Variants in CLEC12B observed in about 807,000 individuals in gnomAD.
CLEC12B encodes macrophage antigen h.
CLEC12B carries 25 observed loss-of-function variants against 36.1 expected under a neutral mutation model. The ratio of observed to expected loss-of-function variants is 0.69; its 90% CI spans 0.50 to 0.97. The LOEUF (loss-of-function observed/expected upper bound fraction) is 0.97, where lower values mean the gene tolerates loss of function less well. Among genes scored for constraint, CLEC12B ranks in the 50% least tolerant of loss-of-function variants. CLEC12B has a pLI of 0.00. For synonymous variants in CLEC12B, 110 were observed against 108.5 expected, an observed-to-expected ratio of 1.01 and a Z score of -0.09; for missense variants, 325 against 318.4, an observed-to-expected ratio of 1.02 and a Z score of -0.16.
rs542680214 is a variant in CLEC12B at position 10,018,219 on chromosome 12, A to G, written c.681-112A>G. The G allele has an allele frequency of 8.6e-4, 617 of 719,958 alleles. 1 individual carries two copies. Among genetic ancestry groups the G allele is most frequent in the South Asian group, 2.5e-3 (85 of 33,790 alleles). 44.6% of individuals were successfully genotyped at this position (719,958 alleles called of 1,614,324 possible). A position where few individuals can be genotyped will look rare whatever the true frequency, so the allele number is the denominator to read the frequency against. On this transcript the variant is annotated intron_variant, in intron 5 of 5. Coordinates refer to ENST00000338896, the MANE Select transcript of CLEC12B (RefSeq NM_001129998.3). Reference sequence around the variant, plus strand: ...AGATTTTGAAGCTTTGTGGAGGCAGAAGTCTCTCCATATTCAGATACATGA... The same window carrying G: ...AGATTTTGAAGCTTTGTGGAGGCAGGAGTCTCTCCATATTCAGATACATGA...
chr12:10,010,176 T>A (rs1291065639), upstream of CLEC12B, among the ~76,000 whole-genome samples: 3 of 117,374 alleles, frequency 2.6e-5, no homozygotes, highest in East Asian at 7.7e-4. Flanking sequence ...TGTCTCTCTC[T>A]CTCTGTCTCT....
chr12:10,012,119 GTATT>G (rs1450378228), intron 1 of CLEC12B, among the ~76,000 whole-genome samples: 1 of 152,114 alleles, frequency 6.6e-6, no homozygotes, highest in Non-Finnish European at 1.5e-5. Flanking sequence ...CTTTCATTCA[GTATT>G]CATTCATTAT....
intron 5 of CLEC12B, chr12:10,016,652 TAAGAG>T: frequency 4.3e-6 from 1 of 231,446 alleles, no homozygotes; most frequent in Non-Finnish European, 7.1e-6. Context: ...TATTGATACA[TAAGAG>T]ATGTATATGT....
intron 3 of CLEC12B, among the ~76,000 whole-genome samples, 165 bp from the exon 4 acceptor site, chr12:10,015,087 A>T (rs1865446348): frequency 6.6e-6 from 1 of 152,032 alleles, no homozygotes; most frequent in South Asian, 2.1e-4. Context: ...TGTTGCCCCA[A>T]CCCATAACCA....
upstream of CLEC12B, among the ~76,000 whole-genome samples, chr12:10,008,549 A>T (rs1220085151): frequency 6.6e-6 from 1 of 152,238 alleles, no homozygotes; most frequent in East Asian, 1.9e-4. Flanking sequence ...ACTGCAACAA[A>T]GTGAGTTTTT....
intron 1 of CLEC12B, 33 bp from the exon 2 acceptor site, chr12:10,012,752 C>T: frequency 6.5e-7 from 1 of 1,538,256 alleles, no homozygotes; most frequent in Non-Finnish European, 9.0e-7. Context: ...CAAAGCAGTT[C>T]TGTGTGCTGA....
At chr12:10,017,701 T>C (rs1420996972) in intron 5 of CLEC12B, 1 of 932,156 alleles carries the variant, frequency 1.1e-6, no homozygotes, top group Non-Finnish European at 1.3e-6. Flanking sequence ...ATGCAGGTCA[T>C]TTAGAAAAAA....
Position 10,015,317 on chromosome 12 carries a change from A to G in CLEC12B, c.475A>G (p.Thr159Ala), listed in dbSNP as rs750265151. 4.2e-5 allele frequency: 68 copies of G among 1,613,442 alleles called. No individual in the cohort carries two copies. The highest frequency in any genetic ancestry group is 5.8e-5 in the Non-Finnish European group (68 of 1,179,580). The change falls in exon 4 of 6, where the codon ACA becomes GCA. Residue 159 changes from threonine (T) to alanine (A), a missense_variant. Transcript: ENST00000338896. Reference protein sequence around the residue: ...WYQNSCYYFTTNEEKTWANSR... With the variant: ...WYQNSCYYFTANEEKTWANSR... Reference sequence around the variant, plus strand: ...CCAAAATAGTTGCTACTATTTTACAACAAATGAGGAGAAAACCTGGGCTAA... The same window carrying G: ...CCAAAATAGTTGCTACTATTTTACAGCAAATGAGGAGAAAACCTGGGCTAA...
upstream of CLEC12B, among the ~76,000 whole-genome samples, chr12:10,010,163 CTCTG>C (rs1162722944): frequency 1.1e-3 from 156 of 145,600 alleles, no homozygotes; most frequent in African/African-American, 3.9e-3. Context: ...GTCTCTCTCT[CTCTG>C]TCTCTCTCTC....
At chr12:10,010,875 G>T in intron 1 of CLEC12B, 25 bp downstream of exon 1, 1 of 1,497,402 alleles carries the variant, frequency 6.7e-7, no homozygotes. Flanking sequence ...AAGACCAGCT[G>T]TGTCCTTGGG....
At position 10,013,008 on chromosome 12, in the gene CLEC12B, A is replaced by G; in HGVS notation, c.190+125A>G. The G allele has an allele frequency of 4.1e-6, 3 of 723,134 alleles. No individual in the cohort carries two copies. In the South Asian group the frequency reaches 4.6e-5, roughly 11 times the overall value. The allele number at this position is 723,134 out of a possible 1,614,324, so 44.8% of individuals were successfully genotyped here. ...TCGTCTGATACTTTTCTGCTGTCTC[A>G]TATCTCTCCTATTCGTCATATCTTC... On this transcript the variant is annotated intron_variant, in intron 2 of 5. Coordinates refer to ENST00000338896, the MANE Select transcript of CLEC12B (RefSeq NM_001129998.3).
upstream of CLEC12B, among the ~76,000 whole-genome samples, chr12:10,006,871 C>T (rs539139344): frequency 3.6e-4 from 55 of 151,882 alleles, 1 homozygote; most frequent in East Asian, 0.01. Flanking sequence ...CTGGCTAACA[C>T]GGTGAAACCC....
intron 5 of CLEC12B, chr12:10,017,197 A>T: frequency 1.0e-6 from 1 of 985,288 alleles, no homozygotes; most frequent in South Asian, 4.7e-5. Context: ...TATTAATCAT[A>T]TCAAGTCAAT....
upstream of CLEC12B, among the ~76,000 whole-genome samples, chr12:10,010,183 CTCTCTCTG>C (rs1294411136): frequency 3.9e-4 from 41 of 106,202 alleles, no homozygotes; most frequent in Admixed American, 9.1e-4. Context: ...CTCTCTCTGT[CTCTCTCTG>C]TCTCTCTCTC....
chr12:10,013,124 T>G, intron 2 of CLEC12B: 1 of 485,088 alleles, frequency 2.1e-6, no homozygotes, highest in Non-Finnish European at 3.7e-6. Flanking sequence ...CAAAGACTCT[T>G]TGTTTCCAGT....
upstream of CLEC12B, among the ~76,000 whole-genome samples, chr12:10,006,922 G>A (rs1418076826): frequency 6.6e-6 from 1 of 151,970 alleles, no homozygotes; most frequent in Non-Finnish European, 1.5e-5. Context: ...GGGCGGGGTG[G>A]CAGGCGCCTG....
chr12:10,014,869 A>C (rs960826674), intron 3 of CLEC12B, 128 bp downstream of exon 3: 10 of 662,720 alleles, frequency 1.5e-5, no homozygotes, highest in Admixed American at 5.8e-5. Flanking sequence ...TGTTGCACTA[A>C]ATTTACACAC....
Position 10,014,595 on chromosome 12 carries a change from A to G in CLEC12B, c.263A>G (p.Gln88Arg), listed in dbSNP as rs1180507315. 6.2e-7 allele frequency: 1 copy of G among 1,613,846 alleles called. No homozygotes were observed. The highest frequency in any genetic ancestry group is 1.1e-5 in the South Asian group (1 of 91,072). Residue 88 changes from glutamine (Q) to arginine (R), a missense_variant, in exon 3 of 6, where the codon CAG (glutamine) becomes CGG (arginine). Transcript: ENST00000338896. ...CAACTTCAGAAAACCATCCAACAGC[A>G]GCAGGATAACTTATCCCAGCAACTG... Reference protein sequence around the residue: ...LSQLQKTIQQQQDNLSQQLGN... With the variant: ...LSQLQKTIQQRQDNLSQQLGN...
upstream of CLEC12B, among the ~76,000 whole-genome samples, chr12:10,009,046 G>A (rs1012466322): frequency 2.0e-5 from 3 of 152,308 alleles, no homozygotes; most frequent in Admixed American, 2.0e-4. Context: ...GATTCTAAAA[G>A]TAGCCAATTG....
Sources: gnomAD v4.1 joint callset for allele counts (sites outside exome capture counted in the v4.1 genomes callset) on GRCh38, gnomAD v4.1.1 for gene constraint, MANE v1.5 for transcripts, NCBI Gene and HGNC (gene_info 2026-07-23, HGNC 2026-07-21) for gene names.